The following IL10RB variants were observed in gnomAD, a reference collection of about 807,000 sequenced individuals.
IL10RB encodes the protein interleukin 10 receptor subunit beta.
IL10RB carries 30 observed loss-of-function variants against 38.7 expected under a neutral mutation model. The ratio of observed to expected loss-of-function variants is 0.78; its 90% CI spans 0.58 to 1.05. IL10RB has a LOEUF of 1.05. IL10RB is among the 50% of genes least tolerant of loss of function. The pLI is 0.00. For missense variants in IL10RB, 328 were observed against 397.1 expected (o/e 0.83, Z 1.48); for synonymous variants, 142 against 145.9 (o/e 0.97, Z 0.19).
At chr21:33,271,399 T>C (rs944295520) in intron 2 of IL10RB, among the ~76,000 whole-genome samples, 2 of 152,268 alleles carry the variant, frequency 1.3e-5, no homozygotes, top group South Asian at 4.1e-4. Flanking sequence ...ATTACCTATT[T>C]AATGCGGGGA....
rs188612501 is a variant in IL10RB at position 33,271,106 on chromosome 21, C to T, written c.173+2589C>T. Among the ~76,000 whole-genome samples, 78 of 152,296 alleles carry T rather than the reference C, an allele frequency of 5.1e-4. No homozygotes were observed. The East Asian group carries it at 6.2e-3, about 12-fold the overall frequency. On this transcript the variant is annotated intron_variant, in intron 2 of 6. Coordinates refer to ENST00000290200, the MANE Select transcript of IL10RB (RefSeq NM_000628.5). ...ACACCTGGGTTCCAGGTCTCCCCCG[C>T]GTGGAACTACAGAGTGAGTATGGCA...
At chr21:33,282,376 A>G (rs1445937104) in intron 4 of IL10RB, among the ~76,000 whole-genome samples, 1 of 151,964 alleles carries the variant, frequency 6.6e-6, no homozygotes, top group Non-Finnish European at 1.5e-5. Flanking sequence ...CTACAAAAAT[A>G]CAAAAAAAAA....
chr21:33,280,162 A>G (rs62227993), intron 4 of IL10RB, among the ~76,000 whole-genome samples: 154 of 152,332 alleles, frequency 1.0e-3, no homozygotes, highest in Non-Finnish European at 1.7e-3. Context: ...CTGCAGGGGA[A>G]GGCACAGTTG....
chr21:33,308,842 A>G (rs535454385), intron 1 of IL10RB: 31 of 152,322 alleles, frequency 2.0e-4, no homozygotes, highest in African/African-American at 6.7e-4. Context: ...ATTTTCATCT[A>G]TGTTATAACA....
chr21:33,266,436 A>C lies in IL10RB; in HGVS notation c.-30A>C. On this transcript the variant is annotated 5_prime_UTR_variant, in exon 1 of 7. Coordinates refer to ENST00000290200, the MANE Select transcript of IL10RB (RefSeq NM_000628.5). ...GCGCGGGCGGGGGTCGTGTGCTTGG[A>C]GGAAGCCGCGGAACCCCCAGCGTCC... The C allele has an allele frequency of 6.5e-7, 1 of 1,539,644 alleles. No homozygotes were observed. The highest frequency in any genetic ancestry group is 8.7e-7 in the Non-Finnish European group (1 of 1,146,110).
At chr21:33,270,609 C>T (rs999505566) in intron 2 of IL10RB, among the ~76,000 whole-genome samples, 99 of 151,948 alleles carry the variant, frequency 6.5e-4, no homozygotes, top group African/African-American at 2.3e-3. Context: ...CTCCTGACCT[C>T]GTGATCCACC....
At chr21:33,300,049 TG>T (rs1374642655), downstream of IL10RB, among the ~76,000 whole-genome samples, 1 of 152,202 alleles carries the variant, frequency 6.6e-6, no homozygotes, top group Non-Finnish European at 1.5e-5. Flanking sequence ...ACTGACCACC[TG>T]GGAAGCAATT....
chr21:33,280,125 G>A (rs989652326), intron 4 of IL10RB, among the ~76,000 whole-genome samples: 2 of 152,200 alleles, frequency 1.3e-5, no homozygotes, highest in African/African-American at 2.4e-5. Flanking sequence ...CACAGTGACA[G>A]CAGACCTTTC....
downstream of IL10RB, among the ~76,000 whole-genome samples, chr21:33,300,101 T>A (rs1159752755): frequency 6.6e-6 from 1 of 152,172 alleles, no homozygotes; most frequent in Non-Finnish European, 1.5e-5. Flanking sequence ...AATAAGATAA[T>A]CCTAAGTAGC....
chr21:33,286,307 A>G (rs1381398630), intron 5 of IL10RB, among the ~76,000 whole-genome samples: 1 of 152,114 alleles, frequency 6.6e-6, no homozygotes, highest in African/African-American at 2.4e-5. Flanking sequence ...AAACGACATG[A>G]TCTTCATGGG....
chr21:33,266,815 CTAAA>C (rs1470472050), intron 1 of IL10RB, among the ~76,000 whole-genome samples: 1 of 152,134 alleles, frequency 6.6e-6, no homozygotes, highest in Non-Finnish European at 1.5e-5. Flanking sequence ...TGGCGGGCGT[CTAAA>C]TAAAGTAGCT....
chr21:33,294,369 T>TTGTGTG (rs777911309), intron 6 of IL10RB, among the ~76,000 whole-genome samples: 2 of 132,662 alleles, frequency 1.5e-5, no homozygotes, highest in African/African-American at 3.0e-5. Flanking sequence ...AGCCACCAGT[T>TTGTGTG]TGTGTGTGTG....
downstream of IL10RB, among the ~76,000 whole-genome samples, chr21:33,301,088 C>A (rs1215072499): frequency 6.6e-6 from 1 of 152,198 alleles, no homozygotes; most frequent in Non-Finnish European, 1.5e-5. Flanking sequence ...CTCTTCTCAG[C>A]AAGGGAGTTA....
At chr21:33,276,859 A>G (rs1989181208) in intron 3 of IL10RB, 106 bp downstream of exon 3, 2 of 869,140 alleles carry the variant, frequency 2.3e-6, no homozygotes, top group African/African-American at 3.3e-5. Context: ...CCACAAATGG[A>G]TGGCCTTGCA....
At chr21:33,268,659 CTT>C (rs1020227138) in intron 2 of IL10RB, 142 bp downstream of exon 2, 5 of 721,120 alleles carry the variant, frequency 6.9e-6, no homozygotes, top group African/African-American at 1.7e-5. Context: ...CCCTGCCAGC[CTT>C]TTGCTGTCTG....
intron 4 of IL10RB, among the ~76,000 whole-genome samples, chr21:33,280,390 C>A (rs1033879503): frequency 3.3e-5 from 5 of 152,198 alleles, no homozygotes; most frequent in Non-Finnish European, 5.9e-5. Flanking sequence ...CCCGTGCCAC[C>A]ATGTGCCATT....
At chr21:33,296,159 T>C (rs761328720) in intron 6 of IL10RB, 25 bp from the exon 7 acceptor site, 2 of 1,592,692 alleles carry the variant, frequency 1.3e-6, no homozygotes, top group East Asian at 2.2e-5. Context: ...AAATTGATCA[T>C]TAACTGTCCT....
At chr21:33,267,969 A>G (rs769792343) in intron 1 of IL10RB, 119 of 314,864 alleles carry the variant, frequency 3.8e-4, no homozygotes, top group Non-Finnish European at 6.1e-4. Context: ...TGCAGCTCAA[A>G]TGGGACTCGT....
At chr21:33,285,286 A>G (rs942981642) in intron 5 of IL10RB, among the ~76,000 whole-genome samples, 2 of 152,190 alleles carry the variant, frequency 1.3e-5, no homozygotes, top group African/African-American at 4.8e-5. Flanking sequence ...AAAAGGATCA[A>G]CCAGAACACA....
Sources: allele counts gnomAD v4.1 joint callset (sites outside exome capture counted in the v4.1 genomes callset), GRCh38; gene constraint gnomAD v4.1.1; transcripts MANE v1.5; gene names NCBI Gene and HGNC (gene_info 2026-07-23, HGNC 2026-07-21).